CD36: variants seen among roughly 807,000 people sequenced by gnomAD.
CD36 encodes CD36 molecule (CD36 blood group).
In CD36, 119 loss-of-function variants were observed where a neutral mutation model predicts 55.2. That is an observed-to-expected ratio of 2.15 (90% CI 1.86 to 2.51). The LOEUF is 2.51. Ranked by LOEUF, CD36 falls within the 30% of genes most tolerant of loss-of-function variation. CD36 has a pLI of 0.00. For missense variants in CD36, 819 were observed against 555.5 expected (o/e 1.47, Z -4.77); for synonymous variants, 186 against 193.6 (o/e 0.96, Z 0.33).
At chr7:80,662,889 T>C in intron 5 of CD36, 101 bp from the exon 6 acceptor site, 1 of 957,112 alleles carries the variant, frequency 1.0e-6, no homozygotes. Context: ...AAGATAAGCT[T>C]TAAAAAGTTT....
intron 1 of CD36, among the ~76,000 whole-genome samples, chr7:80,611,175 G>T (rs557372068): frequency 6.6e-6 from 1 of 152,032 alleles, no homozygotes; most frequent in Non-Finnish European, 1.5e-5. Context: ...GAGCCACTGC[G>T]CCCTGCCTTG....
Position 80,672,784 on chromosome 7 carries a change from T to C in CD36, c.1140T>C (p.Thr380=), listed in dbSNP as rs371703013. 1.2e-6 allele frequency: 2 copies of C among 1,609,092 alleles called. No individual in the cohort carries two copies. The highest frequency in any genetic ancestry group is 8.5e-7 in the Non-Finnish European group (1 of 1,176,856). The change falls in exon 12 of 15, where the codon ACT becomes ACC. Residue 380 remains threonine, a synonymous_variant. Coordinates refer to ENST00000447544, the MANE Select transcript of CD36 (RefSeq NM_001001548.3). The part of the protein sequence containing the change: ...YLDIEPITGF[T]LQFAKRLQVN... ...TCTCTTTTTAGATAACTGGATTCAC[T>C]TTACAATTTGCAAAACGGCTGCAGG...
chr7:80,661,684 AAAACAAAC>A (rs200163390), intron 5 of CD36, among the ~76,000 whole-genome samples: 6 of 152,106 alleles, frequency 3.9e-5, no homozygotes, highest in Non-Finnish European at 7.3e-5. Context: ...TAACCAAACA[AAAACAAAC>A]AAACAAACAA....
chr7:80,635,157 T>A (rs1794312608), upstream of CD36, among the ~76,000 whole-genome samples: 1 of 152,186 alleles, frequency 6.6e-6, no homozygotes, highest in South Asian at 2.1e-4. Context: ...AATTGGGGAT[T>A]GAGGCCTCTC....
rs1446458679 is a variant in CD36, at chr7:80,673,041, G to A, written c.1199+198G>A. ...GGAATGGTTTTATGGTTTTATTTGA[G>A]CATTTGATAGCATCTCTTATTTTGT... is the stretch of plus-strand genomic sequence containing the variant. On this transcript the variant is annotated intron_variant, in intron 12 of 14. Transcript: ENST00000447544. 11 of 555,598 alleles carry A rather than the reference G, an allele frequency of 2.0e-5. 1 individual carries two copies. The South Asian group carries it at 2.8e-4, about 14-fold the overall frequency. The allele number at this position is 555,598 out of a possible 1,614,324, so 34.4% of individuals were successfully genotyped here. A position where few individuals can be genotyped will look rare whatever the true frequency, so the allele number is the denominator to read the frequency against.
intron 1 of CD36, among the ~76,000 whole-genome samples, chr7:80,604,158 T>C (rs937680372): frequency 1.3e-5 from 2 of 151,962 alleles, no homozygotes; most frequent in African/African-American, 4.8e-5. Flanking sequence ...TGGGTTTCCA[T>C]ATCATGTGAC....
At chr7:80,673,959 T>C (rs1479921925) in intron 13 of CD36, 24 bp from the exon 14 acceptor site, 1 of 1,596,164 alleles carries the variant, frequency 6.3e-7, no homozygotes, top group South Asian at 1.1e-5. Flanking sequence ...ACCCAAATAA[T>C]GTTGATTATT....
At chr7:80,646,558 C>A in intron 2 of CD36, 94 bp from the exon 3 acceptor site, 1 of 694,386 alleles carries the variant, frequency 1.4e-6, no homozygotes, top group Non-Finnish European at 2.4e-6. Flanking sequence ...TTAGAACGGG[C>A]AAAATGATAC....
At chr7:80,629,614 T>C (rs1388520669) in intron 1 of CD36, among the ~76,000 whole-genome samples, 3 of 152,004 alleles carry the variant, frequency 2.0e-5, no homozygotes, top group Admixed American at 6.6e-5. Flanking sequence ...CTACACAAGA[T>C]GAATTATAGA....
chr7:80,616,771 G>A (rs1288197721), intron 1 of CD36, among the ~76,000 whole-genome samples: 1 of 152,116 alleles, frequency 6.6e-6, no homozygotes, highest in Non-Finnish European at 1.5e-5. Context: ...TAGGGCTCTA[G>A]GTTGGTTTTT....
At chr7:80,655,346 T>C (rs1180356974) in intron 3 of CD36, among the ~76,000 whole-genome samples, 1 of 152,196 alleles carries the variant, frequency 6.6e-6, no homozygotes, top group Admixed American at 6.5e-5. Flanking sequence ...ACTAGAAGAA[T>C]ATTTATGTTA....
At chr7:80,604,402 C>T (rs1341623874) in intron 1 of CD36, among the ~76,000 whole-genome samples, 1 of 77,060 alleles carries the variant, frequency 1.3e-5, no homozygotes, top group African/African-American at 4.4e-5. Flanking sequence ...GCAAAGTATG[C>T]CATTGGTTCC....
At chr7:80,661,322 G>T in intron 5 of CD36, 112 bp downstream of exon 5, 2 of 1,005,136 alleles carry the variant, frequency 2.0e-6, no homozygotes, top group Non-Finnish European at 1.5e-6. Context: ...TTATCAAAAC[G>T]TATTCCTATA....
At chr7:80,609,583 A>G (rs1792759983) in intron 1 of CD36, among the ~76,000 whole-genome samples, 1 of 152,184 alleles carries the variant, frequency 6.6e-6, no homozygotes, top group Non-Finnish European at 1.5e-5. Flanking sequence ...GTTTTCTCCC[A>G]ATCAGAAGTC....
intron 1 of CD36, among the ~76,000 whole-genome samples, chr7:80,602,885 T>G (rs554660714): frequency 6.9e-4 from 105 of 152,310 alleles, no homozygotes; most frequent in Non-Finnish European, 1.2e-3. Flanking sequence ...TTCATGGAAC[T>G]CTGAAAATGT....
chr7:80,652,240 C>T (rs1795683019), intron 3 of CD36, among the ~76,000 whole-genome samples: 1 of 152,118 alleles, frequency 6.6e-6, no homozygotes, highest in African/African-American at 2.4e-5. Flanking sequence ...ATATATGTTT[C>T]TTCTACTAGT....
At position 80,676,380 on chromosome 7, in the gene CD36, A is replaced by C. The variant is rs1442864702; in HGVS notation, c.*1-4A>C. On this transcript the variant is annotated splice_region_variant and splice_polypyrimidine_tract_variant and intron_variant, in intron 14 of 14. Transcript: ENST00000447544. The stretch of plus-strand genomic sequence containing the variant: ...CACAACTGAATTGATTTCCGTTTCT[A>C]CAGACCTGGCTCAAGCACAAACCAA... 6.6e-6 allele frequency: 1 copy of C among 152,142 alleles called. No homozygotes were observed. The highest frequency in any genetic ancestry group is 2.4e-5 in the African/African-American group (1 of 41,436). 9.4% of individuals were successfully genotyped at this position (152,142 alleles called of 1,614,324 possible).
chr7:80,630,405 C>A (rs1794008616), intron 1 of CD36, among the ~76,000 whole-genome samples: 1 of 151,750 alleles, frequency 6.6e-6, no homozygotes, highest in Non-Finnish European at 1.5e-5. Context: ...AAACCAGGTA[C>A]CATTTTGAAA....
At chr7:80,630,659 G>A (rs1562780451) in intron 1 of CD36, among the ~76,000 whole-genome samples, 1 of 151,900 alleles carries the variant, frequency 6.6e-6, no homozygotes. Context: ...TTTGTTCACT[G>A]CAGGCTCCTT....
Sources: allele counts gnomAD v4.1 joint callset (sites outside exome capture counted in the v4.1 genomes callset), GRCh38; gene constraint gnomAD v4.1.1; transcripts MANE v1.5; gene names NCBI Gene and HGNC (gene_info 2026-07-23, HGNC 2026-07-21).